GPC5: variants seen among roughly 807,000 people sequenced by gnomAD.
GPC5 encodes the protein glypican-5.
Under a neutral mutation model 53.9 loss-of-function variants are expected in GPC5, and 47 were observed. The observed-to-expected ratio is 0.87, with a 90% CI of 0.69 to 1.11. The LOEUF (loss-of-function observed/expected upper bound fraction) is 1.11. Ranked by LOEUF, GPC5 falls within the 50% of genes most tolerant of loss-of-function variation. The probability of loss-of-function intolerance (pLI) is 0.00; values close to 1 mark genes in which losing one functional copy is unlikely to be tolerated. For synonymous variants in GPC5, 286 were observed against 263.3 expected, an observed-to-expected ratio of 1.09 and a Z score of -0.84; for missense variants, 748 against 713.1, an observed-to-expected ratio of 1.05 and a Z score of -0.56.
intron 5 of GPC5, among the ~76,000 whole-genome samples, chr13:91,821,908 A>G (rs1281611980): frequency 6.6e-6 from 1 of 152,216 alleles, no homozygotes; most frequent in Non-Finnish European, 1.5e-5. Context: ...GAACTAAACA[A>G]TCAAGGTTTA....
intron 4 of GPC5, among the ~76,000 whole-genome samples, chr13:91,755,188 A>G (rs1023607276): frequency 6.6e-6 from 1 of 152,096 alleles, no homozygotes; most frequent in Non-Finnish European, 1.5e-5. Flanking sequence ...AACAGAGCTG[A>G]CAAAATGAGA....
At chr13:92,630,409 G>A (rs1885196907) in intron 7 of GPC5, among the ~76,000 whole-genome samples, 1 of 152,032 alleles carries the variant, frequency 6.6e-6, no homozygotes. Context: ...ATTCTTATTA[G>A]CACATTATTA....
chr13:91,747,291 A>G (rs147180459), intron 4 of GPC5, among the ~76,000 whole-genome samples: 134 of 152,174 alleles, frequency 8.8e-4, no homozygotes, highest in Non-Finnish European at 1.5e-3. Flanking sequence ...ATTCCCCTTT[A>G]TATATATTTT....
chr13:91,777,674 G>A (rs533430644), intron 5 of GPC5, among the ~76,000 whole-genome samples: 3 of 152,192 alleles, frequency 2.0e-5, no homozygotes, highest in East Asian at 3.9e-4. Flanking sequence ...ATGTAAAGAT[G>A]GAACTTGATT....
intron 7 of GPC5, among the ~76,000 whole-genome samples, chr13:92,237,774 A>G (rs2042581010): frequency 6.6e-6 from 1 of 152,104 alleles, no homozygotes; most frequent in African/African-American, 2.4e-5. Flanking sequence ...AAATTTTAGA[A>G]CATTTTCATC....
chr13:92,782,074 G>A (rs1041156346), intron 7 of GPC5, among the ~76,000 whole-genome samples: 5 of 150,566 alleles, frequency 3.3e-5, no homozygotes, highest in Non-Finnish European at 5.9e-5. Context: ...GGAAGGGAAC[G>A]GGAAGGGGAG....
intron 5 of GPC5, among the ~76,000 whole-genome samples, chr13:91,816,827 C>CCAAAAAGGAACAA: frequency 6.6e-6 from 1 of 152,094 alleles, no homozygotes; most frequent in African/African-American, 2.4e-5. Flanking sequence ...GGTTAGCAAT[C>CCAAAAAGGAACAA]ATGTGTCTGA....
chr13:91,461,321 G>T (rs543378762), intron 2 of GPC5, among the ~76,000 whole-genome samples: 1 of 152,200 alleles, frequency 6.6e-6, no homozygotes, highest in Non-Finnish European at 1.5e-5. Context: ...CTTTGTAGTA[G>T]AACAAACATT....
At chr13:92,513,473 T>TG (rs1296892500) in intron 7 of GPC5, among the ~76,000 whole-genome samples, 4 of 88,780 alleles carry the variant, frequency 4.5e-5, no homozygotes, top group Non-Finnish European at 4.7e-5. Context: ...TTTTTTCTGT[T>TG]TTTTTTTTTT....
At chr13:91,665,373 C>A (rs889343744) in intron 2 of GPC5, among the ~76,000 whole-genome samples, 1 of 152,118 alleles carries the variant, frequency 6.6e-6, no homozygotes, top group Admixed American at 6.5e-5. Flanking sequence ...GAGTTCAAGC[C>A]CATGTGTGGA....
chr13:91,631,387 A>G (rs1043494569), intron 2 of GPC5, among the ~76,000 whole-genome samples: 3 of 152,170 alleles, frequency 2.0e-5, no homozygotes, highest in Non-Finnish European at 4.4e-5. Context: ...GTCTTTAAAA[A>G]TCACTAGCCA....
chr13:91,506,173 T>C (rs1884931962), intron 2 of GPC5, among the ~76,000 whole-genome samples: 1 of 152,164 alleles, frequency 6.6e-6, no homozygotes, highest in Non-Finnish European at 1.5e-5. Context: ...CCCAAGTTCA[T>C]TCTCTTTCAC....
chr13:92,163,033 G>GA (rs1263933751), intron 7 of GPC5, among the ~76,000 whole-genome samples: 1 of 151,932 alleles, frequency 6.6e-6, no homozygotes, highest in East Asian at 1.9e-4. Flanking sequence ...TATACTGCAT[G>GA]AAAAAAGATG....
At position 91,929,345 on chromosome 13, in the gene GPC5, A is replaced by T. The variant is rs74106587; in HGVS notation, c.1401+21288A>T. On this transcript the variant is annotated intron_variant, in intron 6 of 7. Coordinates refer to ENST00000377067, the MANE Select transcript of GPC5 (RefSeq NM_004466.6). ...AAATTGAGTAGACTTTGTATCCTTTAGAATTTTGGCAGGGTTTTCTTAGGG... is the reference window on the plus strand; with the variant it reads ...AAATTGAGTAGACTTTGTATCCTTTTGAATTTTGGCAGGGTTTTCTTAGGG... Among the ~76,000 whole-genome samples, 151 of 152,174 alleles carry T rather than the reference A, an allele frequency of 9.9e-4. 1 individual carries two copies. Among genetic ancestry groups the T allele is most frequent in the African/African-American group, 3.4e-3 (143 of 41,546 alleles).
chr13:92,658,456 A>G (rs904566527), intron 7 of GPC5, among the ~76,000 whole-genome samples: 1 of 152,132 alleles, frequency 6.6e-6, no homozygotes, highest in Non-Finnish European at 1.5e-5. Context: ...TTAAAGCCAC[A>G]CCTGTTCCAG....
chr13:91,926,375 A>G (rs2139024745), intron 6 of GPC5, among the ~76,000 whole-genome samples: 1 of 151,906 alleles, frequency 6.6e-6, no homozygotes, highest in South Asian at 2.1e-4. Context: ...AAAAAAAAAA[A>G]AAAAAATCTA....
rs530012717 is a variant in GPC5 at position 91,906,398 on chromosome 13, C to G, written c.1281-1539C>G. On this transcript the variant is annotated intron_variant, in intron 5 of 7. Coordinates refer to ENST00000377067, the MANE Select transcript of GPC5 (RefSeq NM_004466.6). Reference sequence around the variant, plus strand: ...CCAGAATGTCTACTACTTGTCTTATCTTTCCTCACACTTGGCATGTGCATT... The same window carrying G: ...CCAGAATGTCTACTACTTGTCTTATGTTTCCTCACACTTGGCATGTGCATT... Among the ~76,000 whole-genome samples, 8 of 152,184 alleles carry G rather than the reference C, an allele frequency of 5.3e-5. No individual in the cohort carries two copies. In the South Asian group the frequency reaches 1.7e-3, roughly 32 times the overall value.
chr13:92,563,509 A>G (rs1181360322), intron 7 of GPC5, among the ~76,000 whole-genome samples: 1 of 152,030 alleles, frequency 6.6e-6, no homozygotes, highest in African/African-American at 2.4e-5. Context: ...TTCTTTGCTT[A>G]TACAAAGAAA....
intron 6 of GPC5, among the ~76,000 whole-genome samples, chr13:91,921,393 A>G (rs959798921): frequency 2.0e-5 from 3 of 152,208 alleles, no homozygotes; most frequent in African/African-American, 7.2e-5. Flanking sequence ...AAAAAAATTA[A>G]TAACTTAAAG....
Sources: gnomAD v4.1 joint callset for allele counts (sites outside exome capture counted in the v4.1 genomes callset) on GRCh38, gnomAD v4.1.1 for gene constraint, MANE v1.5 for transcripts, NCBI Gene and HGNC (gene_info 2026-07-23, HGNC 2026-07-21) for gene names.